JAG2: variants seen among roughly 807,000 people sequenced by gnomAD.
JAG2 encodes protein jagged-2.
In JAG2, 46 loss-of-function variants were observed where a neutral mutation model predicts 141.7. The ratio of observed to expected loss-of-function variants is 0.32; its 90% CI spans 0.26 to 0.42. The LOEUF (loss-of-function observed/expected upper bound fraction) is 0.42, where lower values mean the gene tolerates loss of function less well. Among genes scored for constraint, JAG2 ranks in the 10% least tolerant of loss-of-function variants. The pLI, the probability that JAG2 is intolerant of heterozygous loss-of-function variation, is 1.00. For missense variants in JAG2, 1,500 were observed against 1,817.5 expected, an observed-to-expected ratio of 0.83 and a Z score of 3.18; for synonymous variants, 862 against 763.5, an observed-to-expected ratio of 1.13 and a Z score of -2.13.
At chr14:105,148,629 G>C in intron 15 of JAG2, 116 bp downstream of exon 15, 2 of 1,033,358 alleles carry the variant, frequency 1.9e-6, no homozygotes, top group Non-Finnish European at 2.9e-6. Context: ...GCACCCCCTG[G>C]CCAGGCCTTT....
chr14:105,146,941 A>G (rs77297817), intron 20 of JAG2: 4 of 648,408 alleles, frequency 6.2e-6, no homozygotes, highest in Non-Finnish European at 1.1e-5. Context: ...CTGCTTCTGC[A>G]GTGGGCCTGT....
At position 105,142,936 on chromosome 14, in the gene JAG2, CGCG is replaced by C; in HGVS notation, c.3473_3475del (p.Pro1158del). 2 of 1,608,526 alleles carry C rather than the reference CGCG, an allele frequency of 1.2e-6. No homozygotes were observed. The highest frequency in any genetic ancestry group is 1.7e-6 in the Non-Finnish European group (2 of 1,177,682). On this transcript the variant is annotated inframe_deletion, in exon 26 of 26. Coordinates refer to ENST00000331782, the MANE Select transcript of JAG2 (RefSeq NM_002226.5). Reference sequence around the variant, plus strand: ...CCCGGGCAGCGCCTCGTCCGCCCTGCGCGGCGGCGGCGTGAAGTTCTTGCACTG... The same window carrying C: ...CCCGGGCAGCGCCTCGTCCGCCCTGCGCGGCGGCGTGAAGTTCTTGCACTG...
In JAG2 at chr14:105,150,720, C is replaced by T. The variant is rs866762565; in HGVS notation, c.1486G>A (p.Glu496Lys). ...CTGGCACACTCGTCTCGTTCCAGCT[C>T]GCAATGCCGGCCTCCGAAGCCCCGT... ...CPRGFGGRHC[E>K]LERDECASSP... The change falls in exon 12 of 26, where the codon GAG becomes AAG. Residue 496 changes from glutamate to lysine, a missense_variant. Physicochemically the swap from Glu to Lys is moderately conservative, Grantham distance 56. Coordinates refer to ENST00000331782, the MANE Select transcript of JAG2 (RefSeq NM_002226.5). 1 of 1,572,178 alleles carries T rather than the reference C, an allele frequency of 6.4e-7. No individual in the cohort carries two copies. Among genetic ancestry groups the T allele is most frequent in the Non-Finnish European group, 8.6e-7 (1 of 1,159,272 alleles).
Position 105,145,006 on chromosome 14 carries a change from G to A in JAG2, c.3008C>T (p.Ala1003Val). 1.9e-6 allele frequency: 3 copies of A among 1,610,094 alleles called. No individual in the cohort carries two copies. The highest frequency in any genetic ancestry group is 2.5e-6 in the Non-Finnish European group (3 of 1,179,778). ...CACCAGCAGGCGGTCCCGTGCCACAGCCCTTGTGGCTGGCAGGGAGCGGAT... is the reference window on the plus strand; with the variant it reads ...CACCAGCAGGCGGTCCCGTGCCACAACCCTTGTGGCTGGCAGGGAGCGGAT... ...SGIRSLPATR[A>V]VARDRLLVLL... Residue 1003 changes from alanine (A) to valine (V), a missense_variant, in exon 24 of 26, where the codon GCT (alanine) becomes GTT (valine). By Grantham distance (64) the Ala-to-Val change is moderately conservative. This residue lies in a region of JAG2 where 425 missense variants were observed against 441.0 expected (regional missense o/e 0.96). Coordinates refer to ENST00000331782, the MANE Select transcript of JAG2 (RefSeq NM_002226.5).
At position 105,147,440 on chromosome 14, in the gene JAG2, G is replaced by GC. The variant is rs771029575; in HGVS notation, c.2394-30dup. 9.9e-6 allele frequency: 16 copies of GC among 1,608,342 alleles called. No homozygotes were observed. In the Admixed American group the frequency reaches 1.2e-4, roughly 12 times the overall value. On this transcript the variant is annotated intron_variant, in intron 19 of 25. Coordinates refer to ENST00000331782, the MANE Select transcript of JAG2 (RefSeq NM_002226.5). ...CAGAGCAGAGGGTGGGCATCAGGTGGCCCCCCGTGGTATGCCAAGTCCCAC... is the reference window on the plus strand; with the variant it reads ...CAGAGCAGAGGGTGGGCATCAGGTGGCCCCCCCGTGGTATGCCAAGTCCCAC...
At chr14:105,166,915 G>A (rs894069391) in intron 2 of JAG2, among the ~76,000 whole-genome samples, 2 of 152,192 alleles carry the variant, frequency 1.3e-5, no homozygotes, top group Non-Finnish European at 2.9e-5. Flanking sequence ...GGGCACCAGG[G>A]CAAGGCCGTG....
chr14:105,166,513 CT>C (rs1482374363), intron 2 of JAG2, among the ~76,000 whole-genome samples: 3 of 152,264 alleles, frequency 2.0e-5, no homozygotes, highest in Admixed American at 6.5e-5. Flanking sequence ...TGGGGCCCCC[CT>C]GGTCAAGGGA....
At chr14:105,148,578 T>A in intron 15 of JAG2, 139 bp from the exon 16 acceptor site, 1 of 860,742 alleles carries the variant, frequency 1.2e-6, no homozygotes, top group Non-Finnish European at 1.8e-6. Flanking sequence ...GGAGCTGGCC[T>A]CGGGCATGGG....
At chr14:105,150,501 C>A in intron 12 of JAG2, 103 bp downstream of exon 12, 8 of 1,245,364 alleles carry the variant, frequency 6.4e-6, no homozygotes, top group Non-Finnish European at 8.8e-6. Flanking sequence ...GACAACTTCC[C>A]CTGCAGCACC....
intron 22 of JAG2, 147 bp downstream of exon 22, chr14:105,146,238 T>TG (rs1888219049): frequency 4.9e-6 from 4 of 821,664 alleles, no homozygotes; most frequent in Non-Finnish European, 7.9e-6. Flanking sequence ...GGGGCCTGGC[T>TG]GAGCTCTCGC....
chr14:105,148,599 G>T, intron 15 of JAG2, 146 bp downstream of exon 15: 1 of 883,746 alleles, frequency 1.1e-6, no homozygotes, highest in Non-Finnish European at 1.8e-6. Flanking sequence ...GGCAGCCTGG[G>T]ACTCCACCCC....
At chr14:105,143,357 G>A (rs1595170879) in intron 25 of JAG2, 125 bp downstream of exon 25, 10 of 1,317,116 alleles carry the variant, frequency 7.6e-6, no homozygotes, top group Non-Finnish European at 1.1e-5. Context: ...GGCGGCTGGG[G>A]CAGCAGGTGC....
chr14:105,148,034 C>A lies in JAG2; in HGVS notation c.2248+82G>T, dbSNP rs993126551. 27 of 1,257,396 alleles carry A rather than the reference C, an allele frequency of 2.1e-5. No individual in the cohort carries two copies. The Admixed American group carries it at 2.2e-4, about 10-fold the overall frequency. 77.9% of individuals were successfully genotyped at this position (1,257,396 alleles called of 1,614,324 possible). A position where few individuals can be genotyped will look rare whatever the true frequency, so the allele number is the denominator to read the frequency against. ...TGGCAGGTGTGGCCCTCAAAAAAGACCCCTCGGCCCATCGCGCCCGAGGGA... is the reference window on the plus strand; with the variant it reads ...TGGCAGGTGTGGCCCTCAAAAAAGAACCCTCGGCCCATCGCGCCCGAGGGA... On this transcript the variant is annotated intron_variant, in intron 17 of 25. Coordinates refer to ENST00000331782, the MANE Select transcript of JAG2 (RefSeq NM_002226.5).
chr14:105,151,227 C>G lies in JAG2; in HGVS notation c.1267+56G>C, dbSNP rs1595178946. 3.9e-6 allele frequency: 6 copies of G among 1,535,594 alleles called. No individual in the cohort carries two copies. The East Asian group carries it at 1.2e-4, about 30-fold the overall frequency. ...CCAGCAGCCCCCGCAGCCCCAGCAG[C>G]CCCCGCAGCCCGCATGCGCGGCCCA... On this transcript the variant is annotated intron_variant, in intron 9 of 25. Coordinates refer to ENST00000331782, the MANE Select transcript of JAG2 (RefSeq NM_002226.5).
Position 105,151,831 on chromosome 14 carries a change from G to A in JAG2, c.1040-92C>T. 1.9e-6 allele frequency: 3 copies of A among 1,602,822 alleles called. No individual in the cohort carries two copies. In the South Asian group the frequency reaches 3.3e-5, roughly 18 times the overall value. ...CCAAGCCCACAGGTTCCCAAGCTGG[G>A]GGTCAGGGGCCCACCACACAGGACG... On this transcript the variant is annotated intron_variant, in intron 7 of 25. Transcript: ENST00000331782.
At chr14:105,152,953 A>G (rs1222094609) in intron 5 of JAG2, among the ~76,000 whole-genome samples, 1 of 152,156 alleles carries the variant, frequency 6.6e-6, no homozygotes, top group Non-Finnish European at 1.5e-5. Flanking sequence ...CTATCGGCCA[A>G]CGTCCTGTCT....
At chr14:105,145,445 A>G (rs988477078) in intron 23 of JAG2, among the ~76,000 whole-genome samples, 9 of 152,218 alleles carry the variant, frequency 5.9e-5, no homozygotes, top group Admixed American at 5.9e-4. Flanking sequence ...GCTACAGCCC[A>G]AGAGCTGGGG....
intron 24 of JAG2, among the ~76,000 whole-genome samples, chr14:105,144,520 C>T (rs181817873): frequency 4.6e-5 from 7 of 152,316 alleles, no homozygotes; most frequent in Admixed American, 2.6e-4. Flanking sequence ...GTCTCCACCC[C>T]AGTCTCACCC....
chr14:105,168,224 G>A, intron 1 of JAG2, 117 bp from the exon 2 acceptor site: 1 of 890,848 alleles, frequency 1.1e-6, no homozygotes, highest in Non-Finnish European at 1.4e-6. Flanking sequence ...CGCCCGCCCG[G>A]AGCCCCAGCC....
Sources: allele counts gnomAD v4.1 joint callset (sites outside exome capture counted in the v4.1 genomes callset), GRCh38; gene constraint gnomAD v4.1.1; regional missense constraint gnomAD v4.1.1; transcripts MANE v1.5; gene names NCBI Gene and HGNC (gene_info 2026-07-23, HGNC 2026-07-21).